Variants in VSTM2A observed in about 807,000 individuals in gnomAD.
The protein encoded by VSTM2A is V-set and transmembrane domain containing 2A, also known as V-set and transmembrane domain-containing protein 2A.
In VSTM2A, 13 loss-of-function variants were observed where a neutral mutation model predicts 27.3. The observed-to-expected ratio is 0.48, with a 90% CI of 0.31 to 0.76. The LOEUF (loss-of-function observed/expected upper bound fraction) is 0.76. Ranked by LOEUF, VSTM2A falls within the 30% of genes least tolerant of loss-of-function variation. The pLI is 0.05. For synonymous variants in VSTM2A, 142 were observed against 125.7 expected, an observed-to-expected ratio of 1.13 and a Z score of -0.87; for missense variants, 280 against 310.0, an observed-to-expected ratio of 0.90 and a Z score of 0.73.
At chr7:54,558,441 C>T (rs1788443558) in intron 4 of VSTM2A, 1 of 152,094 alleles carries the variant, frequency 6.6e-6, no homozygotes, top group Admixed American at 6.6e-5. Context: ...ATGTATAAAA[C>T]TGATATGGTA....
chr7:54,554,513 T>C (rs973936268), intron 4 of VSTM2A, among the ~76,000 whole-genome samples: 8 of 152,202 alleles, frequency 5.3e-5, no homozygotes, highest in African/African-American at 1.9e-4. Context: ...AGTAAGGATG[T>C]CTGCACACTT....
chr7:54,562,634 A>T (rs2115911773), intron 4 of VSTM2A, among the ~76,000 whole-genome samples: 1 of 152,280 alleles, frequency 6.6e-6, no homozygotes, highest in South Asian at 2.1e-4. Flanking sequence ...TGGCTTCCTA[A>T]TTCAGGGCAA....
At chr7:54,561,918 T>G (rs536329305) in intron 4 of VSTM2A, among the ~76,000 whole-genome samples, 1 of 144,772 alleles carries the variant, frequency 6.9e-6, no homozygotes, top group African/African-American at 2.8e-5. Context: ...GTTTTTTAGT[T>G]TTTTGTTTGT....
Position 54,542,574 on chromosome 7 carries a change from C to T in VSTM2A, c.-157C>T. The T allele has an allele frequency of 4.6e-6, 3 of 648,476 alleles. No individual in the cohort carries two copies. The highest frequency in any genetic ancestry group is 5.5e-6 in the Non-Finnish European group (2 of 366,960). The allele number at this position is 648,476 out of a possible 1,614,324, so 40.2% of individuals were successfully genotyped here. On this transcript the variant is annotated 5_prime_UTR_variant, in exon 1 of 5. Coordinates refer to ENST00000402613, the MANE Select transcript of VSTM2A (RefSeq NM_001301009.2). ...GTTCTAACCTTCCAGAATCGCAATC[C>T]CTTCTCCCCACAGCCAGCCCTCGCC...
Position 54,570,646 on chromosome 7 carries a change from G to A in VSTM2A, c.*1427G>A, listed in dbSNP as rs1426193304. On this transcript the variant is annotated 3_prime_UTR_variant, in exon 5 of 5. Transcript: ENST00000402613. ...TTATTTATGTCTTTATGATAATTCA[G>A]ACTATTTTATTTTGAACCTGTTTTC... 3.3e-5 allele frequency: 5 copies of A among 152,106 alleles called. No homozygotes were observed. In the East Asian group the frequency reaches 9.6e-4, roughly 29 times the overall value. The allele number at this position is 152,106 out of a possible 1,614,324, so 9.4% of individuals were successfully genotyped here.
At chr7:54,545,613 G>A (rs1328364030) in intron 2 of VSTM2A, among the ~76,000 whole-genome samples, 3 of 64,046 alleles carry the variant, frequency 4.7e-5, no homozygotes, top group Non-Finnish European at 9.6e-5. Flanking sequence ...GACGGGGAGG[G>A]GGAAGGGGCT....
At chr7:54,556,492 G>T (rs574839516) in intron 4 of VSTM2A, among the ~76,000 whole-genome samples, 62 of 152,270 alleles carry the variant, frequency 4.1e-4, no homozygotes, top group Admixed American at 9.8e-4. Flanking sequence ...TAATATGTGA[G>T]TAAATGGTGC....
chr7:54,561,764 G>A (rs1455702337), intron 4 of VSTM2A, among the ~76,000 whole-genome samples: 1 of 152,030 alleles, frequency 6.6e-6, no homozygotes, highest in Non-Finnish European at 1.5e-5. Context: ...AAAATATATG[G>A]GTAAAATCTT....
At chr7:54,544,880 C>A (rs1787895753) in intron 2 of VSTM2A, 92 bp downstream of exon 2, 3 of 1,425,162 alleles carry the variant, frequency 2.1e-6, no homozygotes, top group Admixed American at 2.6e-5. Context: ...GCTGCCTGGA[C>A]ACCCCTGGGG....
At chr7:54,564,875 G>A (rs370296628) in intron 4 of VSTM2A, among the ~76,000 whole-genome samples, 296 of 152,218 alleles carry the variant, frequency 1.9e-3, no homozygotes, top group African/African-American at 6.9e-3. Context: ...ATGTTATATC[G>A]TAAGAAATTT....
At chr7:54,558,065 T>C (rs1440928843) in intron 4 of VSTM2A, 1 of 152,204 alleles carries the variant, frequency 6.6e-6, no homozygotes, top group African/African-American at 2.4e-5. Flanking sequence ...ATCTGTATTA[T>C]AAAACATGAT....
chr7:54,550,365 G>A (rs969123068), intron 4 of VSTM2A, 195 bp downstream of exon 4: 13 of 1,426,462 alleles, frequency 9.1e-6, no homozygotes, highest in African/African-American at 2.9e-5. Context: ...GGTGCACCCC[G>A]TCAGTCCCCT....
chr7:54,562,740 A>G (rs1788601426), intron 4 of VSTM2A, among the ~76,000 whole-genome samples: 2 of 152,170 alleles, frequency 1.3e-5, no homozygotes, highest in South Asian at 4.1e-4. Flanking sequence ...GCATTCCCCA[A>G]CTTCAATACA....
intron 4 of VSTM2A, chr7:54,560,027 T>A (rs559148165): frequency 1.3e-5 from 2 of 152,178 alleles, no homozygotes; most frequent in Non-Finnish European, 2.9e-5. Context: ...TTTTGTACAA[T>A]GATAATGTAT....
Position 54,546,584 on chromosome 7 carries a change from C to G in VSTM2A, c.247-363C>G, listed in dbSNP as rs868647100. On this transcript the variant is annotated intron_variant, in intron 2 of 4. Coordinates refer to ENST00000402613, the MANE Select transcript of VSTM2A (RefSeq NM_001301009.2). ...CCCGCCTGCCCGCCCGCCCACCCACCTCCGGGCGCGCGTCCGCACGGGTCA... is the reference window on the plus strand; with the variant it reads ...CCCGCCTGCCCGCCCGCCCACCCACGTCCGGGCGCGCGTCCGCACGGGTCA... The G allele has an allele frequency of 1.8e-3, 334 of 186,122 alleles. 3 individuals are homozygous for G. The highest frequency in any genetic ancestry group is 2.9e-3 in the Non-Finnish European group (268 of 91,442). 11.5% of individuals were successfully genotyped at this position (186,122 alleles called of 1,614,324 possible).
In VSTM2A at chr7:54,570,471, A is replaced by G. The variant is rs764970725; in HGVS notation, c.*1252A>G. On this transcript the variant is annotated 3_prime_UTR_variant, in exon 5 of 5. Coordinates refer to ENST00000402613, the MANE Select transcript of VSTM2A (RefSeq NM_001301009.2). The stretch of plus-strand genomic sequence containing the variant: ...CTTTGTCATTCTGTTATTTGCGCTA[A>G]TTATATTTTAATGTCTCCTAATTAA... 2 of 152,184 alleles carry G rather than the reference A, an allele frequency of 1.3e-5. No homozygotes were observed. The highest frequency in any genetic ancestry group is 1.9e-4 in the East Asian group (1 of 5,184). 9.4% of individuals were successfully genotyped at this position (152,184 alleles called of 1,614,324 possible).
chr7:54,559,557 T>C (rs1788483057), intron 4 of VSTM2A: 1 of 152,172 alleles, frequency 6.6e-6, no homozygotes, highest in African/African-American at 2.4e-5. Context: ...GAATCAGTAC[T>C]TCCCTTGTGA....
chr7:54,547,098 A>C (rs74677741), intron 3 of VSTM2A, 101 bp downstream of exon 3: 36,073 of 1,382,488 alleles, frequency 0.026, 972 homozygotes, highest in South Asian at 0.095. Flanking sequence ...GGACAGCCGG[A>C]CAGCCGGGTG....
At chr7:54,546,675 CAG>C in intron 2 of VSTM2A, 1 of 255,312 alleles carries the variant, frequency 3.9e-6, no homozygotes. Context: ...GCGGCAGGGA[CAG>C]CGCCGGGACA....
Sources: gnomAD v4.1 joint callset for allele counts (sites outside exome capture counted in the v4.1 genomes callset) on GRCh38, gnomAD v4.1.1 for gene constraint, MANE v1.5 for transcripts, NCBI Gene and HGNC (gene_info 2026-07-23, HGNC 2026-07-21) for gene names.